The following BNC2 variants were observed in gnomAD, a reference collection of about 807,000 sequenced individuals.
BNC2 encodes zinc finger protein basonuclin-2.
A neutral mutation model predicts 76.3 loss-of-function variants in BNC2; 20 were observed. That is an observed-to-expected ratio of 0.26 (90% CI 0.18 to 0.38). The LOEUF is 0.38. BNC2 is among the 10% of genes least tolerant of loss of function. The pLI, the probability that BNC2 is intolerant of heterozygous loss-of-function variation, is 1.00. For synonymous variants in BNC2, 582 were observed against 514.8 expected (o/e 1.13, Z -1.77); for missense variants, 1,382 against 1,399.8 (o/e 0.99, Z 0.20).
At chr9:16,536,637 C>T (rs1021249953) in intron 5 of BNC2, among the ~76,000 whole-genome samples, 1 of 152,034 alleles carries the variant, frequency 6.6e-6, no homozygotes, top group Non-Finnish European at 1.5e-5. Context: ...TTAAATAAAG[C>T]TTTGTATATA....
intron 5 of BNC2, among the ~76,000 whole-genome samples, chr9:16,469,163 T>A (rs79748384): frequency 0.013 from 1,921 of 151,570 alleles, 26 homozygotes; most frequent in African/African-American, 0.037. Flanking sequence ...AAAACTTGCT[T>A]TCACCTACAG....
intron 1 of BNC2, among the ~76,000 whole-genome samples, chr9:16,845,676 G>A (rs187521806): frequency 9.9e-5 from 15 of 152,062 alleles, no homozygotes; most frequent in African/African-American, 2.7e-4. Context: ...AGCCGAGATC[G>A]CACCTCTGCA....
At chr9:16,802,551 C>T (rs1326987363) in intron 1 of BNC2, among the ~76,000 whole-genome samples, 2 of 152,218 alleles carry the variant, frequency 1.3e-5, no homozygotes, top group African/African-American at 4.8e-5. Context: ...GCTTCAGCAA[C>T]AGAAGCTTCA....
At chr9:16,558,648 A>T (rs1036135158) in intron 4 of BNC2, among the ~76,000 whole-genome samples, 5 of 152,096 alleles carry the variant, frequency 3.3e-5, no homozygotes, top group African/African-American at 1.2e-4. Flanking sequence ...AGTAATTTCA[A>T]CGTCAGGTGC....
At chr9:16,817,688 G>A (rs968677040) in intron 1 of BNC2, among the ~76,000 whole-genome samples, 3 of 152,122 alleles carry the variant, frequency 2.0e-5, no homozygotes, top group Non-Finnish European at 2.9e-5. Flanking sequence ...AAACAAATCA[G>A]AAAGAACTAG....
intron 1 of BNC2, among the ~76,000 whole-genome samples, chr9:16,852,221 T>G (rs1819144537): frequency 6.6e-6 from 1 of 152,186 alleles, no homozygotes; most frequent in Non-Finnish European, 1.5e-5. Flanking sequence ...ATATATATCA[T>G]GCACACTATA....
At chr9:16,763,001 G>C (rs79799435) in intron 1 of BNC2, among the ~76,000 whole-genome samples, 1 of 152,218 alleles carries the variant, frequency 6.6e-6, no homozygotes, top group African/African-American at 2.4e-5. Flanking sequence ...ACTTGACCAA[G>C]ACTCACTTAT....
chr9:16,424,723 T>C (rs61216022), intron 6 of BNC2, among the ~76,000 whole-genome samples: 14,280 of 152,168 alleles, frequency 0.094, 1,895 homozygotes, highest in African/African-American at 0.3. Flanking sequence ...AAGTACATTG[T>C]AAGACTACTG....
At chr9:16,754,367 G>A (rs528255854) in intron 1 of BNC2, among the ~76,000 whole-genome samples, 32 of 152,258 alleles carry the variant, frequency 2.1e-4, no homozygotes, top group Admixed American at 5.2e-4. Context: ...ATCAGTACAT[G>A]AGTCTGATTC....
At chr9:16,798,346 T>C (rs112843057) in intron 1 of BNC2, among the ~76,000 whole-genome samples, 2 of 152,290 alleles carry the variant, frequency 1.3e-5, no homozygotes, top group African/African-American at 4.8e-5. Flanking sequence ...ACCATTCTAA[T>C]TTAGGTAATT....
intron 5 of BNC2, among the ~76,000 whole-genome samples, chr9:16,499,775 C>A (rs1227825542): frequency 6.6e-6 from 1 of 151,986 alleles, no homozygotes; most frequent in South Asian, 2.1e-4. Flanking sequence ...AAGTGATAAG[C>A]CTGCCTCAGC....
chr9:16,469,194 G>A (rs1390410387), intron 5 of BNC2, among the ~76,000 whole-genome samples: 3 of 41,082 alleles, frequency 7.3e-5, no homozygotes, highest in African/African-American at 4.6e-4. Context: ...CTCAGAAAAA[G>A]TGAACATGCT....
intron 4 of BNC2, among the ~76,000 whole-genome samples, chr9:16,554,756 C>T (rs1178552980): frequency 6.6e-6 from 1 of 152,170 alleles, no homozygotes; most frequent in African/African-American, 2.4e-5. Flanking sequence ...TCTGCTCCTC[C>T]TCCATTTCCC....
chr9:16,447,179 T>C (rs973169660), intron 5 of BNC2, among the ~76,000 whole-genome samples: 1 of 152,152 alleles, frequency 6.6e-6, no homozygotes, highest in South Asian at 2.1e-4. Flanking sequence ...ATTCCTAGTA[T>C]ACCAATCTTT....
At chr9:16,448,331 C>G (rs1269349525) in intron 5 of BNC2, among the ~76,000 whole-genome samples, 1 of 151,932 alleles carries the variant, frequency 6.6e-6, no homozygotes, top group African/African-American at 2.4e-5. Context: ...CAAAAATAGG[C>G]GCAAAAAATT....
intron 1 of BNC2, among the ~76,000 whole-genome samples, chr9:16,771,916 T>C (rs1363380594): frequency 6.6e-6 from 1 of 152,202 alleles, no homozygotes; most frequent in Non-Finnish European, 1.5e-5. Context: ...AAGTAGTATC[T>C]TTACAGTTCA....
intron 1 of BNC2, among the ~76,000 whole-genome samples, chr9:16,819,155 A>G (rs1818253957): frequency 6.6e-6 from 1 of 152,224 alleles, no homozygotes; most frequent in South Asian, 2.1e-4. Flanking sequence ...AACAAAACCT[A>G]TAAGCTGTCT....
chr9:16,845,584 A>G (rs1041663380), intron 1 of BNC2, among the ~76,000 whole-genome samples: 7 of 151,850 alleles, frequency 4.6e-5, no homozygotes, highest in South Asian at 4.2e-4. Flanking sequence ...AGCCGGGTGT[A>G]GCGGCGTGGG....
At chr9:16,581,325 C>G (rs1460245639) in intron 4 of BNC2, among the ~76,000 whole-genome samples, 1 of 152,098 alleles carries the variant, frequency 6.6e-6, no homozygotes, top group Non-Finnish European at 1.5e-5. Flanking sequence ...TCTGGGAGGC[C>G]GAGGCTGGCA....
Sources: gnomAD v4.1 joint callset for allele counts (sites outside exome capture counted in the v4.1 genomes callset) on GRCh38, gnomAD v4.1.1 for gene constraint, MANE v1.5 for transcripts, NCBI Gene and HGNC (gene_info 2026-07-23, HGNC 2026-07-21) for gene names.